The following MYH6 variants were observed in gnomAD, a reference collection of about 807,000 sequenced individuals.
MYH6 encodes the protein myosin heavy chain 6, also known as myosin-6.
MYH6 carries 126 observed loss-of-function variants against 223.2 expected under a neutral mutation model. The observed-to-expected ratio is 0.56, with a 90% CI of 0.49 to 0.65. The LOEUF is 0.65. Ranked by LOEUF, MYH6 falls within the 30% of genes least tolerant of loss-of-function variation. MYH6 has a pLI of 0.00. For missense variants in MYH6, 2,040 were observed against 2,536.4 expected (o/e 0.80, Z 4.20); for synonymous variants, 978 against 1,010.2 (o/e 0.97, Z 0.61).
chr14:23,407,252 G>C lies in MYH6; in HGVS notation c.-13-16C>G. ...GGTGCTTCCCCTGGGTCAGAGACAG[G>C]AGGGCTATGTTACTCCTGAGGGAGC... On this transcript the variant is annotated splice_polypyrimidine_tract_variant and intron_variant, in intron 2 of 38. Coordinates refer to ENST00000405093, the MANE Select transcript of MYH6 (RefSeq NM_002471.4). This position sits in a 1 kb window ranked among gnomAD's most constrained non-coding sequence, Gnocchi z 5.6. 6.2e-7 allele frequency: 1 copy of C among 1,613,840 alleles called. No individual in the cohort carries two copies. The highest frequency in any genetic ancestry group is 1.1e-5 in the South Asian group (1 of 91,034).
intron 13 of MYH6, 90 bp from the exon 14 acceptor site, chr14:23,400,516 G>A (rs1294080820): frequency 6.9e-6 from 11 of 1,604,516 alleles, no homozygotes; most frequent in Non-Finnish European, 9.4e-6. Flanking sequence ...AGCCCAGCAG[G>A]GTATGGCTGT....
intron 9 of MYH6, 93 bp from the exon 10 acceptor site, chr14:23,403,539 C>T (rs1010482854): frequency 1.2e-5 from 15 of 1,236,538 alleles, no homozygotes; most frequent in Non-Finnish European, 1.8e-5. Context: ...AGGGGGCACC[C>T]ACAGCTTGAT....
At chr14:23,403,326 G>C (rs771590700) in intron 10 of MYH6, 22 bp downstream of exon 10, 5 of 1,590,182 alleles carry the variant, frequency 3.1e-6, no homozygotes, top group African/African-American at 2.7e-5. Flanking sequence ...AGCAGTGGGT[G>C]GGGGGTGGCA....
At chr14:23,394,985 C>T (rs1442180458) in intron 20 of MYH6, among the ~76,000 whole-genome samples, 2 of 152,200 alleles carry the variant, frequency 1.3e-5, no homozygotes, top group Non-Finnish European at 2.9e-5. Flanking sequence ...CCTGCCTCAG[C>T]TCCTGAGTAG....
chr14:23,386,452 G>C lies in MYH6; in HGVS notation c.4822C>G (p.Arg1608Gly), dbSNP rs201683868. The C allele has an allele frequency of 1.2e-6, 2 of 1,614,142 alleles. No homozygotes were observed. The highest frequency in any genetic ancestry group is 1.7e-6 in the Non-Finnish European group (2 of 1,180,028). ...ACCCTCAGGACCTCGTTGCGGCTGC[G>C]TGTCTCTGCATCCAGGGAGGTCTGC... ...SLQTSLDAET[R>G]SRNEVLRVKK... is the part of the protein sequence containing the mutation. The change falls in exon 33 of 39, where the codon CGC (arginine) becomes GGC (glycine). Residue 1608 changes from arginine (R) to glycine (G), a missense_variant. Physicochemically the swap from Arg to Gly is moderately radical, Grantham distance 125. Coordinates refer to ENST00000405093, the MANE Select transcript of MYH6 (RefSeq NM_002471.4).
intron 32 of MYH6, 30 bp downstream of exon 32, chr14:23,387,499 G>A: frequency 6.2e-7 from 1 of 1,611,242 alleles, no homozygotes; most frequent in Non-Finnish European, 8.5e-7. Flanking sequence ...GCAGAACAGG[G>A]ATGGGGTGCA....
At position 23,394,221 on chromosome 14, in the gene MYH6, G is replaced by A. The variant is rs756736352; in HGVS notation, c.2532C>T (p.Ser844=). 24 of 1,614,050 alleles carry A rather than the reference G, an allele frequency of 1.5e-5. No homozygotes were observed. The highest frequency in any genetic ancestry group is 2.2e-5 in the East Asian group (1 of 44,900). ...LYFKIKPLLK[S]AETEKEMATM... Reference sequence around the variant, plus strand: ...TGGCCATCTCCTTCTCCGTCTCTGCGCTCTTCAGCAGCGGCTTGATCTTGA... The same window carrying A: ...TGGCCATCTCCTTCTCCGTCTCTGCACTCTTCAGCAGCGGCTTGATCTTGA... Residue 844 remains serine (S), a synonymous_variant, in exon 21 of 39, where the codon AGC becomes AGT. Transcript: ENST00000405093.
At position 23,407,228 on chromosome 14, in the gene MYH6, G is replaced by A. The variant is rs183611755; in HGVS notation, c.-5C>T. ...AGCCATCTGGGCATCGGTCATCTTG[G>A]TGCTTCCCCTGGGTCAGAGACAGGA... On this transcript the variant is annotated 5_prime_UTR_variant, in exon 3 of 39. Coordinates refer to ENST00000405093, the MANE Select transcript of MYH6 (RefSeq NM_002471.4). The surrounding 1 kb of genome is among the most constrained non-coding windows in gnomAD (Gnocchi z 5.6). 1 of 1,614,178 alleles carries A rather than the reference G, an allele frequency of 6.2e-7. No homozygotes were observed.
rs1566515375 is a variant in MYH6 at position 23,403,354 on chromosome 14, A to G, written c.892T>C (p.Leu298=). Reference sequence around the variant, plus strand: ...GGGTGGCAGGCAGGTTCACCCAGCAACTCCGGCTTCTTGTTGGACAGAATC... The same window carrying G: ...GGGTGGCAGGCAGGTTCACCCAGCAGCTCCGGCTTCTTGTTGGACAGAATC... The part of the protein sequence containing the change: ...YQILSNKKPE[L]LDMLLVTNNP... The change falls in exon 10 of 39, where the codon TTG becomes CTG. Residue 298 remains leucine (L), a synonymous_variant. Transcript: ENST00000405093. 6.2e-7 allele frequency: 1 copy of G among 1,613,802 alleles called. No individual in the cohort carries two copies. Among genetic ancestry groups the G allele is most frequent in the Non-Finnish European group, 8.5e-7 (1 of 1,179,836 alleles).
rs1409383122 is a variant in MYH6 at position 23,388,873 on chromosome 14, C to A, written c.4161G>T (p.Glu1387Asp). 1 of 1,613,828 alleles carries A rather than the reference C, an allele frequency of 6.2e-7. No individual in the cohort carries two copies. The highest frequency in any genetic ancestry group is 1.1e-5 in the South Asian group (1 of 91,062). Reference protein sequence around the residue: ...YETDAIQRTEELEEAKKKLAQ... With the variant: ...YETDAIQRTEDLEEAKKKLAQ... ...CTGGAGCTCACTTGGCCTCTTCGAG[C>A]TCCTCAGTCCGCTGAATGGCGTCCG... is the stretch of plus-strand genomic sequence containing the variant. The change falls in exon 29 of 39, where the codon GAG becomes GAT. Residue 1387 changes from glutamate (E) to aspartate (D), a missense_variant. Coordinates refer to ENST00000405093, the MANE Select transcript of MYH6 (RefSeq NM_002471.4).
intron 29 of MYH6, 27 bp from the exon 30 acceptor site, chr14:23,388,365 T>C: frequency 6.2e-7 from 1 of 1,611,106 alleles, no homozygotes. Context: ...GGAGGGTGTG[T>C]GTGTGACTCT....
intron 11 of MYH6, 36 bp from the exon 12 acceptor site, chr14:23,402,638 G>T (rs1223738548): frequency 6.2e-7 from 1 of 1,613,796 alleles, no homozygotes; most frequent in Non-Finnish European, 8.5e-7. Flanking sequence ...GGGGGTTGGA[G>T]CGGTGGCCCC....
Position 23,394,087 on chromosome 14 carries a change from A to G in MYH6, c.2666T>C (p.Leu889Pro). 6.2e-7 allele frequency: 1 copy of G among 1,614,184 alleles called. No individual in the cohort carries two copies. ...CCTCACCGCCTGCACTTGGAGCTGC[A>G]GGTCATTCTTCTCCTGCAGCAGGGA... Reference protein sequence around the residue: ...MVSLLQEKNDLQLQVQAEQDN... With the variant: ...MVSLLQEKNDPQLQVQAEQDN... The change falls in exon 21 of 39, where the codon CTG becomes CCG. Residue 889 changes from leucine (L) to proline (P), a missense_variant. By Grantham distance (98) the Leu-to-Pro change is moderately conservative. Transcript: ENST00000405093.
At chr14:23,397,935 T>TTCTTCC (rs1891455677) in intron 15 of MYH6, among the ~76,000 whole-genome samples, 1 of 57,752 alleles carries the variant, frequency 1.7e-5, no homozygotes, top group South Asian at 7.2e-4. Flanking sequence ...CCTCCTCCTC[T>TTCTTCC]TCTTCTTCTT....
intron 20 of MYH6, among the ~76,000 whole-genome samples, 180 bp downstream of exon 20, chr14:23,396,104 A>T (rs906279632): frequency 3.9e-4 from 56 of 142,182 alleles, no homozygotes; most frequent in African/African-American, 1.3e-3. Flanking sequence ...AAGTTTCTTT[A>T]AAAAAAAAAA....
intron 14 of MYH6, 53 bp downstream of exon 14, chr14:23,400,203 A>G: frequency 6.2e-7 from 1 of 1,613,566 alleles, no homozygotes; most frequent in Non-Finnish European, 8.5e-7. Context: ...CTCAGCCACC[A>G]CTTTGTCTGG....
intron 12 of MYH6, among the ~76,000 whole-genome samples, chr14:23,402,231 C>T (rs1020064030): frequency 1.3e-5 from 2 of 152,162 alleles, no homozygotes; most frequent in Admixed American, 1.3e-4. Flanking sequence ...CTGGGGGAGT[C>T]TTGGGCACAG....
In MYH6 at chr14:23,389,022, C is replaced by A; in HGVS notation, c.4012G>T (p.Ala1338Ser). ...KNALAHALQS[A>S]RHDCDLLREQ... ...CGCAGCAGGTCGCAGTCATGCCGGG[C>A]CGACTGCAGTGCATGGGCCAGGGCG... is the stretch of plus-strand genomic sequence containing the variant. Residue 1338 changes from alanine to serine, a missense_variant, in exon 29 of 39, where the codon GCC becomes TCC. Around this residue, in one of 4 missense-constraint regions of MYH6, gnomAD observed 1,203 missense variants for 1,400.2 expected, o/e 0.86. Transcript: ENST00000405093. 6.2e-7 allele frequency: 1 copy of A among 1,609,922 alleles called. No individual in the cohort carries two copies.
In MYH6 at chr14:23,397,949, CTT is replaced by C. The variant is rs1566512413; in HGVS notation, c.1892-338_1892-337del. On this transcript the variant is annotated intron_variant, in intron 15 of 38. Coordinates refer to ENST00000405093, the MANE Select transcript of MYH6 (RefSeq NM_002471.4). ...TCCTCCTCCTCTTCTTCTTCTTCTTCTTCTTCTTCTTCTTCTTCTTCTTCTTC... is the reference window on the plus strand; with the variant it reads ...TCCTCCTCCTCTTCTTCTTCTTCTTCCTTCTTCTTCTTCTTCTTCTTCTTC... 2.3e-3 allele frequency among the ~76,000 whole-genome samples: 180 copies of C among 78,952 alleles called. 8 individuals are homozygous for C. The highest frequency in any genetic ancestry group is 9.8e-3 in the African/African-American group (171 of 17,478). The allele number at this position is 78,952 out of a possible 152,430, so 51.8% of individuals were successfully genotyped here. A position where few individuals can be genotyped will look rare whatever the true frequency, so the allele number is the denominator to read the frequency against.
Sources: allele counts gnomAD v4.1 joint callset (sites outside exome capture counted in the v4.1 genomes callset), GRCh38; gene constraint gnomAD v4.1.1; regional missense constraint gnomAD v4.1.1; non-coding constraint Gnocchi (gnomAD v3.1); transcripts MANE v1.5; gene names NCBI Gene and HGNC (gene_info 2026-07-23, HGNC 2026-07-21).